Variants in BRD3 observed in about 807,000 individuals in gnomAD.
BRD3 encodes bromodomain containing 3.
In BRD3, 17 loss-of-function variants were observed where a neutral mutation model predicts 66.8. The ratio of observed to expected loss-of-function variants is 0.25; its 90% CI spans 0.17 to 0.38. BRD3 has a LOEUF of 0.38. Ranked by LOEUF, BRD3 falls within the 10% of genes least tolerant of loss-of-function variation. BRD3 has a pLI of 1.00. For synonymous variants in BRD3, 421 were observed against 393.2 expected (o/e 1.07, Z -0.84); for missense variants, 713 against 956.1 (o/e 0.75, Z 3.35).
At chr9:134,052,282 C>A in intron 3 of BRD3, 24 bp downstream of exon 3, 5 of 1,609,692 alleles carry the variant, frequency 3.1e-6, no homozygotes, top group South Asian at 1.1e-5. Flanking sequence ...CTGCAAGCGG[C>A]GTGCCAGGCC....
intron 1 of BRD3, chr9:134,054,450 A>G: frequency 6.6e-6 from 1 of 152,306 alleles, no homozygotes. Context: ...GCCTCCAACC[A>G]TGGCCAGGGC....
chr9:134,050,286 G>T (rs1164710906), intron 5 of BRD3, 88 bp downstream of exon 5: 6 of 1,321,744 alleles, frequency 4.5e-6, no homozygotes, highest in East Asian at 2.4e-5. Flanking sequence ...AGGGAAAGGT[G>T]GGGGCCCCCC....
intron 4 of BRD3, among the ~76,000 whole-genome samples, chr9:134,051,181 CA>C (rs1830286224): frequency 6.6e-6 from 1 of 152,202 alleles, no homozygotes; most frequent in African/African-American, 2.4e-5. Flanking sequence ...CACAGAGAAT[CA>C]AATGAGTGCT....
intron 1 of BRD3, among the ~76,000 whole-genome samples, chr9:134,062,586 C>T (rs997768503): frequency 4.6e-5 from 7 of 152,176 alleles, no homozygotes; most frequent in African/African-American, 1.4e-4. Context: ...GGCCACAACC[C>T]GTCACCTCTT....
At chr9:134,052,908 C>T (rs1216561249) in intron 2 of BRD3, among the ~76,000 whole-genome samples, 1 of 152,208 alleles carries the variant, frequency 6.6e-6, no homozygotes, top group Admixed American at 6.5e-5. Flanking sequence ...CACTCGGCCT[C>T]TAACTCCAAG....
chr9:134,051,124 G>A (rs767809412), intron 4 of BRD3, among the ~76,000 whole-genome samples: 6 of 152,138 alleles, frequency 3.9e-5, no homozygotes, highest in Non-Finnish European at 5.9e-5. Context: ...AGCAAGACGC[G>A]GTCTTACTTG....
At chr9:134,050,634 A>C in intron 4 of BRD3, 46 bp from the exon 5 acceptor site, 1 of 1,524,162 alleles carries the variant, frequency 6.6e-7, no homozygotes, top group Non-Finnish European at 9.0e-7. Flanking sequence ...CTCCACTAGT[A>C]TTTCCAGAAG....
rs1384659144 is a variant in BRD3, at chr9:134,050,580, G to C, written c.508C>G (p.Gln170Glu). The C allele has an allele frequency of 1.2e-6, 2 of 1,606,594 alleles. No homozygotes were observed. Among genetic ancestry groups the C allele is most frequent in the Non-Finnish European group, 8.5e-7 (1 of 1,178,514 alleles). The change falls in exon 5 of 12, where the codon CAA becomes GAA. Residue 170 changes from glutamine (Q) to glutamate (E), a missense_variant. Gln to Glu is a conservative substitution (Grantham distance 29). This residue lies in a region of BRD3 where 120 missense variants were observed against 122.8 expected (regional missense o/e 0.98). Coordinates refer to ENST00000303407, the MANE Select transcript of BRD3 (RefSeq NM_007371.4). The part of the protein sequence containing the change: ...AAGAQSAGTQ[Q>E]VAAVSSVSPA... ...GAGACAGAGGACACGGCCGCCACTT[G>C]CTGTGTACCTTCAAGACAAGGAAGG...
chr9:134,052,401 T>C lies in BRD3; in HGVS notation c.256A>G (p.Ile86Val). 1 of 1,612,222 alleles carries C rather than the reference T, an allele frequency of 6.2e-7. No individual in the cohort carries two copies. Among genetic ancestry groups the C allele is most frequent in the Admixed American group, 1.7e-5 (1 of 60,026 alleles). ...TAATTATTTTCTAGTCTCTTCTTAATAGTCCCCATATCCATTGGGTTTTTA... is the reference window on the plus strand; with the variant it reads ...TAATTATTTTCTAGTCTCTTCTTAACAGTCCCCATATCCATTGGGTTTTTA... ...IIKNPMDMGTIKKRLENNYYW... is the reference protein window; with the variant it reads ...IIKNPMDMGTVKKRLENNYYW... Residue 86 changes from isoleucine (I) to valine (V), a missense_variant, in exon 3 of 12, where the codon ATT (isoleucine) becomes GTT (valine). Transcript: ENST00000303407.
chr9:134,036,746 C>T (rs534151319), intron 9 of BRD3, among the ~76,000 whole-genome samples: 4 of 152,332 alleles, frequency 2.6e-5, no homozygotes, highest in South Asian at 4.1e-4. Flanking sequence ...CGGTGGCTCA[C>T]GCCTGTAATC....
Position 134,048,351 on chromosome 9 carries a change from G to A in BRD3, c.818C>T (p.Ala273Val), listed in dbSNP as rs1193438217. The change falls in exon 6 of 12, where the codon GCC becomes GTC. Residue 273 changes from alanine to valine, a missense_variant. Transcript: ENST00000303407. Reference protein sequence around the residue: ...SPPPLSDPKQAKVVARRESGG... With the variant: ...SPPPLSDPKQVKVVARRESGG... ...ACTCTCCCGCCGGGCCACCACTTTGGCCTGCTTGGGGTCTGACAACGGCGG... is the reference window on the plus strand; with the variant it reads ...ACTCTCCCGCCGGGCCACCACTTTGACCTGCTTGGGGTCTGACAACGGCGG... The A allele has an allele frequency of 1.3e-6, 2 of 1,599,182 alleles. No homozygotes were observed. The highest frequency in any genetic ancestry group is 2.7e-5 in the African/African-American group (2 of 74,934).
chr9:134,038,265 CT>C (rs758243131), intron 9 of BRD3, among the ~76,000 whole-genome samples: 1 of 151,418 alleles, frequency 6.6e-6, no homozygotes, highest in African/African-American at 2.4e-5. Flanking sequence ...AGAGATTCTC[CT>C]GTCTCAGCCT....
At chr9:134,036,717 A>C in intron 9 of BRD3, 1 of 920,740 alleles carries the variant, frequency 1.1e-6, no homozygotes, top group Non-Finnish European at 1.7e-6. Context: ...GTGAAATATA[A>C]ACGGTCTAGG....
chr9:134,035,900 G>T (rs1199326976), intron 10 of BRD3, 132 bp downstream of exon 10: 2 of 1,273,450 alleles, frequency 1.6e-6, no homozygotes, highest in African/African-American at 1.5e-5. Flanking sequence ...TCTGTGGTGG[G>T]ACGAAGGAGC....
chr9:134,048,194 C>T lies in BRD3; in HGVS notation c.975G>A (p.Lys325=). ...CDSILREMLS[K]KHAAYAWPFY... ...AGGGCCAGGCGTAGGCCGCGTGCTT[C>T]TTGGATAGCATCTCCCTGAGGATGC... is the stretch of plus-strand genomic sequence containing the variant. The change falls in exon 6 of 12, where the codon AAG becomes AAA. Residue 325 remains lysine, a synonymous_variant. Coordinates refer to ENST00000303407, the MANE Select transcript of BRD3 (RefSeq NM_007371.4). 6.2e-7 allele frequency: 1 copy of T among 1,612,848 alleles called. No individual in the cohort carries two copies. The highest frequency in any genetic ancestry group is 8.5e-7 in the Non-Finnish European group (1 of 1,179,888).
chr9:134,042,728 T>TATATACACAC (rs1830085189), intron 7 of BRD3, among the ~76,000 whole-genome samples: 1 of 149,570 alleles, frequency 6.7e-6, no homozygotes. Context: ...TATACACATA[T>TATATACACAC]ATATACACAC....
chr9:134,064,729 G>C (rs370277682), intron 1 of BRD3, among the ~76,000 whole-genome samples: 1 of 152,146 alleles, frequency 6.6e-6, no homozygotes, highest in South Asian at 2.1e-4. Context: ...AAATAAGCAA[G>C]CCCTCAAGCC....
intron 1 of BRD3, among the ~76,000 whole-genome samples, chr9:134,063,086 C>A (rs1291734584): frequency 6.6e-6 from 1 of 152,216 alleles, no homozygotes; most frequent in African/African-American, 2.4e-5. Context: ...CTGTCCCACT[C>A]AGCCATGCCG....
At chr9:134,039,422 C>A (rs1829992464) in intron 9 of BRD3, among the ~76,000 whole-genome samples, 1 of 152,196 alleles carries the variant, frequency 6.6e-6, no homozygotes, top group South Asian at 2.1e-4. Context: ...TGGCTTTGTA[C>A]CCGTTGTTCC....
Sources: allele counts gnomAD v4.1 joint callset (sites outside exome capture counted in the v4.1 genomes callset), GRCh38; gene constraint gnomAD v4.1.1; regional missense constraint gnomAD v4.1.1; transcripts MANE v1.5; gene names NCBI Gene and HGNC (gene_info 2026-07-23, HGNC 2026-07-21).